Variants in CSNK1G1 observed in about 807,000 individuals in gnomAD.
CSNK1G1 encodes the protein casein kinase 1 gamma 1, also known as casein kinase I isoform gamma-1.
CSNK1G1 carries 22 observed loss-of-function variants against 59.6 expected under a neutral mutation model. The ratio of observed to expected loss-of-function variants is 0.37; its 90% CI spans 0.26 to 0.53. The LOEUF (loss-of-function observed/expected upper bound fraction) is 0.53, where lower values mean the gene tolerates loss of function less well. CSNK1G1 is among the 20% of genes least tolerant of loss of function. The probability of loss-of-function intolerance (pLI) is 0.89; values close to 1 mark genes in which losing one functional copy is unlikely to be tolerated. For synonymous variants in CSNK1G1, 179 were observed against 177.1 expected (o/e 1.01, Z -0.08); for missense variants, 384 against 519.5 (o/e 0.74, Z 2.54).
intron 4 of CSNK1G1, among the ~76,000 whole-genome samples, chr15:64,251,212 A>T (rs538782437): frequency 6.6e-6 from 1 of 152,308 alleles, no homozygotes; most frequent in South Asian, 2.1e-4. Context: ...TGGTATAAGT[A>T]AAGAAAAGAG....
Position 64,216,550 on chromosome 15 carries a change from A to G in CSNK1G1, c.444+12T>C. ...CAGCTTATTCTCTTCTAGAAGAGCA[A>G]TTCCAACTTACCAGCTGGATGGCTA... On this transcript the variant is annotated intron_variant, in intron 5 of 11. Coordinates refer to ENST00000303052, the MANE Select transcript of CSNK1G1 (RefSeq NM_022048.5). The surrounding 1 kb of genome is among the most constrained non-coding windows in gnomAD (Gnocchi z 4.6). The G allele has an allele frequency of 6.2e-7, 1 of 1,613,556 alleles. No individual in the cohort carries two copies. The highest frequency in any genetic ancestry group is 8.5e-7 in the Non-Finnish European group (1 of 1,179,620).
At chr15:64,283,468 G>A (rs1894252104) in intron 2 of CSNK1G1, among the ~76,000 whole-genome samples, 1 of 151,890 alleles carries the variant, frequency 6.6e-6, no homozygotes, top group African/African-American at 2.4e-5. Context: ...TCAGCCTCCT[G>A]AGTAACTGGG....
At position 64,166,324 on chromosome 15, in the gene CSNK1G1, G is replaced by T. The variant is rs916197353; in HGVS notation, c.*5607C>A. The T allele has an allele frequency of 7.3e-6, 2 of 275,844 alleles. No homozygotes were observed. Among genetic ancestry groups the T allele is most frequent in the Non-Finnish European group, 6.7e-6 (1 of 149,912 alleles). 17.1% of individuals were successfully genotyped at this position (275,844 alleles called of 1,614,324 possible). ...GAATCAACATTATTTTCCATTGGGG[G>T]GTATATATTTTTGGTTTATCTTTAT... On this transcript the variant is annotated 3_prime_UTR_variant, in exon 12 of 12. Transcript: ENST00000303052. This position sits in a 1 kb window ranked among gnomAD's most constrained non-coding sequence, Gnocchi z 4.5.
At chr15:64,252,478 G>A (rs1892143815) in intron 3 of CSNK1G1, among the ~76,000 whole-genome samples, 1 of 151,870 alleles carries the variant, frequency 6.6e-6, no homozygotes, top group Non-Finnish European at 1.5e-5. Flanking sequence ...CCAAAGTGCT[G>A]TGGGATTATA....
chr15:64,334,917 A>AC (rs968139825), intron 1 of CSNK1G1, among the ~76,000 whole-genome samples: 5 of 152,150 alleles, frequency 3.3e-5, no homozygotes, highest in Non-Finnish European at 7.4e-5. Flanking sequence ...ACTTACCTTC[A>AC]CCAAAAAGTG....
chr15:64,186,496 T>C (rs1271687074), intron 10 of CSNK1G1, among the ~76,000 whole-genome samples: 1 of 134,898 alleles, frequency 7.4e-6, no homozygotes, highest in Non-Finnish European at 1.6e-5. Flanking sequence ...AAATTGAGTT[T>C]TTTGTTTTGT....
intron 1 of CSNK1G1, among the ~76,000 whole-genome samples, chr15:64,329,272 A>T (rs1332498194): frequency 6.6e-6 from 1 of 151,950 alleles, no homozygotes; most frequent in Non-Finnish European, 1.5e-5. Context: ...ACATAGTTGG[A>T]AGTAAAACTC....
At chr15:64,298,601 T>C (rs1433719576) in intron 2 of CSNK1G1, among the ~76,000 whole-genome samples, 1 of 152,172 alleles carries the variant, frequency 6.6e-6, no homozygotes, top group Non-Finnish European at 1.5e-5. Context: ...GTCAGCCTTC[T>C]AACAGTAAAA....
chr15:64,204,369 A>C, intron 9 of CSNK1G1, 72 bp downstream of exon 9: 1 of 1,236,148 alleles, frequency 8.1e-7, no homozygotes, highest in South Asian at 1.6e-5. Context: ...CTGGCAAGTA[A>C]AGGCATGAGG....
rs1188809074 is a variant in CSNK1G1 at position 64,286,352 on chromosome 15, GTT to G, written c.181+13965_181+13966del. Among the ~76,000 whole-genome samples the G allele has an allele frequency of 1.5e-3, 223 of 151,394 alleles. 1 individual carries two copies. Among genetic ancestry groups the G allele is most frequent in the African/African-American group, 5.3e-3 (217 of 41,254 alleles). The stretch of plus-strand genomic sequence containing the variant: ...TTAACATGTTATTGTTAACAATATT[GTT>G]AACATGTTATTGTTAACAATATTGT... On this transcript the variant is annotated intron_variant, in intron 2 of 11. Transcript: ENST00000303052.
rs1276831613 is a variant in CSNK1G1 at position 64,168,891 on chromosome 15, C to G, written c.*3040G>C. ...CCAGGTCTGGGACCACTTTGAAGTGCCAATGGCTCTGGAGGGATCACCATT... is the reference window on the plus strand; with the variant it reads ...CCAGGTCTGGGACCACTTTGAAGTGGCAATGGCTCTGGAGGGATCACCATT... On this transcript the variant is annotated 3_prime_UTR_variant, in exon 12 of 12. Coordinates refer to ENST00000303052, the MANE Select transcript of CSNK1G1 (RefSeq NM_022048.5). 6.6e-6 allele frequency: 1 copy of G among 152,356 alleles called. No homozygotes were observed. The highest frequency in any genetic ancestry group is 2.4e-5 in the African/African-American group (1 of 41,430). The allele number at this position is 152,356 out of a possible 1,614,324, so 9.4% of individuals were successfully genotyped here. A position where few individuals can be genotyped will look rare whatever the true frequency, so the allele number is the denominator to read the frequency against.
chr15:64,259,005 A>C (rs1172806884), intron 3 of CSNK1G1, 196 bp downstream of exon 3: 4 of 390,258 alleles, frequency 1.0e-5, no homozygotes, highest in Non-Finnish European at 1.8e-5. Flanking sequence ...AGTATCATTT[A>C]ACTATATAGT....
At position 64,308,940 on chromosome 15, in the gene CSNK1G1, C is replaced by G. The variant is rs1596256537; in HGVS notation, c.-224-8217G>C. Among the ~76,000 whole-genome samples the G allele has an allele frequency of 2.0e-5, 3 of 151,822 alleles. No homozygotes were observed. In the South Asian group the frequency reaches 6.2e-4, roughly 31 times the overall value. ...TACATGGCTTGAGGTCATTCCAGAT[C>G]TGGCACTTGCTTACCTCTTCCGCTT... On this transcript the variant is annotated intron_variant, in intron 1 of 11. Transcript: ENST00000303052.
rs1596036191 is a variant in CSNK1G1, at chr15:64,167,008, G to C, written c.*4923C>G. On this transcript the variant is annotated 3_prime_UTR_variant, in exon 12 of 12. Transcript: ENST00000303052. ...GGAATACGTGTTCACTTTTTCCCTT[G>C]AAAGGTGATTTACAAATACCGGAAG... 6.6e-6 allele frequency: 1 copy of C among 152,286 alleles called. No homozygotes were observed. Among genetic ancestry groups the C allele is most frequent in the South Asian group, 2.1e-4 (1 of 4,828 alleles). The allele number at this position is 152,286 out of a possible 1,614,324, so 9.4% of individuals were successfully genotyped here.
In CSNK1G1 at chr15:64,165,805, G is replaced by C. The variant is rs2081595938; in HGVS notation, c.*6126C>G. 2.5e-6 allele frequency: 1 copy of C among 400,152 alleles called. No individual in the cohort carries two copies. Among genetic ancestry groups the C allele is most frequent in the East Asian group, 3.7e-5 (1 of 27,294 alleles). The allele number at this position is 400,152 out of a possible 1,614,324, so 24.8% of individuals were successfully genotyped here. ...AACTGAGTCCTTTCCTCCCCAAACT[G>C]GGGAAGAGGTATACTTAAAGATCAC... On this transcript the variant is annotated 3_prime_UTR_variant, in exon 12 of 12. Coordinates refer to ENST00000303052, the MANE Select transcript of CSNK1G1 (RefSeq NM_022048.5).
chr15:64,289,631 G>A (rs549708256), intron 2 of CSNK1G1, among the ~76,000 whole-genome samples: 1 of 152,134 alleles, frequency 6.6e-6, no homozygotes, highest in Non-Finnish European at 1.5e-5. Flanking sequence ...AAATAAGAGA[G>A]TGAACAGACA....
chr15:64,316,083 G>GT (rs1375163595), intron 1 of CSNK1G1, among the ~76,000 whole-genome samples: 2 of 152,168 alleles, frequency 1.3e-5, no homozygotes, highest in Non-Finnish European at 2.9e-5. Context: ...CCGGAGTGCA[G>GT]TAGCATGGTC....
chr15:64,208,267 G>A (rs141226856), intron 6 of CSNK1G1, among the ~76,000 whole-genome samples: 49 of 152,286 alleles, frequency 3.2e-4, no homozygotes, highest in African/African-American at 9.9e-4. Context: ...AGAGGCTGAC[G>A]TGAGAGGATC....
chr15:64,326,586 G>A (rs1167634677), intron 1 of CSNK1G1, among the ~76,000 whole-genome samples: 5 of 151,938 alleles, frequency 3.3e-5, no homozygotes, highest in Non-Finnish European at 5.9e-5. Flanking sequence ...GGAGGTTGCA[G>A]GGAGCTGAGA....
Sources: allele counts gnomAD v4.1 joint callset (sites outside exome capture counted in the v4.1 genomes callset), GRCh38; gene constraint gnomAD v4.1.1; non-coding constraint Gnocchi (gnomAD v3.1); transcripts MANE v1.5; gene names NCBI Gene and HGNC (gene_info 2026-07-23, HGNC 2026-07-21).